Variants in FRYL observed in about 807,000 individuals in gnomAD.
FRYL encodes the protein FRY like transcription coactivator, also known as protein furry homolog-like.
In FRYL, 150 loss-of-function variants were observed where a neutral mutation model predicts 351.2. That is an observed-to-expected ratio of 0.43 (90% CI 0.37 to 0.49). The LOEUF (loss-of-function observed/expected upper bound fraction) is 0.49, where lower values mean the gene tolerates loss of function less well. Among genes scored for constraint, FRYL ranks in the 20% least tolerant of loss-of-function variants. The pLI, the probability that FRYL is intolerant of heterozygous loss-of-function variation, is 0.00. For missense variants in FRYL, 3,036 were observed against 3,619.3 expected (o/e 0.84, Z 4.13); for synonymous variants, 1,153 against 1,257.1 (o/e 0.92, Z 1.75).
chr4:48,736,108 T>C (rs1771370237), intron 1 of FRYL, among the ~76,000 whole-genome samples: 1 of 151,788 alleles, frequency 6.6e-6, no homozygotes, highest in Non-Finnish European at 1.5e-5. Flanking sequence ...ACAACACACT[T>C]CCAAATGACA....
intron 27 of FRYL, among the ~76,000 whole-genome samples, chr4:48,570,523 A>G (rs573972115): frequency 6.6e-6 from 1 of 152,356 alleles, no homozygotes; most frequent in South Asian, 2.1e-4. Context: ...CCTTTGTGAC[A>G]GAAAAAGCTA....
chr4:48,693,210 C>G (rs181753002), intron 2 of FRYL, among the ~76,000 whole-genome samples: 12 of 152,326 alleles, frequency 7.9e-5, no homozygotes, highest in Admixed American at 7.2e-4. Flanking sequence ...TAAGCTATCT[C>G]ATTTTCCTTT....
chr4:48,763,937 G>T (rs1427179952), intron 1 of FRYL, among the ~76,000 whole-genome samples: 1 of 152,180 alleles, frequency 6.6e-6, no homozygotes, highest in Non-Finnish European at 1.5e-5. Context: ...GGGAGTATGA[G>T]GCGGGCGGCT....
intron 42 of FRYL, among the ~76,000 whole-genome samples, chr4:48,545,287 A>G (rs1014015787): frequency 4.6e-5 from 7 of 152,198 alleles, no homozygotes; most frequent in Non-Finnish European, 8.8e-5. Context: ...AACTACAGGG[A>G]AAGTTTAGGA....
chr4:48,570,959 G>T, intron 26 of FRYL, 41 bp from the exon 27 acceptor site: 2 of 1,478,970 alleles, frequency 1.4e-6, no homozygotes, highest in Non-Finnish European at 1.9e-6. Context: ...AATCCTGCTG[G>T]TGTAACTTGG....
intron 59 of FRYL, among the ~76,000 whole-genome samples, chr4:48,508,984 G>C (rs1456395897): frequency 6.6e-6 from 1 of 152,194 alleles, no homozygotes; most frequent in Non-Finnish European, 1.5e-5. Flanking sequence ...AAGTCACATT[G>C]CAAAGGGGTG....
intron 31 of FRYL, 95 bp from the exon 32 acceptor site, chr4:48,563,083 C>CTTAGAAG: frequency 1.3e-6 from 1 of 765,544 alleles, no homozygotes; most frequent in Non-Finnish European, 2.2e-6. Context: ...GGCTTATAGG[C>CTTAGAAG]ATCTATCTTC....
chr4:48,727,005 T>C (rs889855901), intron 1 of FRYL, among the ~76,000 whole-genome samples: 3 of 152,128 alleles, frequency 2.0e-5, no homozygotes, highest in Non-Finnish European at 2.9e-5. Context: ...GTTTAAGAGA[T>C]GGACAGAAAA....
At chr4:48,602,456 G>T (rs1745905713) in intron 12 of FRYL, among the ~76,000 whole-genome samples, 1 of 152,072 alleles carries the variant, frequency 6.6e-6, no homozygotes, top group African/African-American at 2.4e-5. Flanking sequence ...CTTTCTGTTT[G>T]TCAAATGTGT....
At chr4:48,725,486 G>A (rs530173493) in intron 1 of FRYL, among the ~76,000 whole-genome samples, 10 of 152,200 alleles carry the variant, frequency 6.6e-5, no homozygotes, top group East Asian at 5.8e-4. Flanking sequence ...AACCTCAGTC[G>A]ACAATATTAA....
chr4:48,725,809 A>G (rs1770014125), intron 1 of FRYL, among the ~76,000 whole-genome samples: 1 of 152,140 alleles, frequency 6.6e-6, no homozygotes, highest in Admixed American at 6.5e-5. Flanking sequence ...TATCTTATTA[A>G]CTATTGTTGT....
intron 18 of FRYL, among the ~76,000 whole-genome samples, chr4:48,587,304 T>A (rs1410828945): frequency 1.3e-5 from 2 of 152,008 alleles, no homozygotes; most frequent in African/African-American, 4.8e-5. Context: ...TTTTTGAAAA[T>A]CCTGGTACCT....
intron 24 of FRYL, among the ~76,000 whole-genome samples, chr4:48,575,588 C>T (rs904242536): frequency 6.6e-6 from 1 of 152,172 alleles, no homozygotes; most frequent in Admixed American, 6.5e-5. Flanking sequence ...AAGTCAGACA[C>T]GCTGGTCTTA....
At chr4:48,712,163 C>G (rs2149592724) in intron 1 of FRYL, among the ~76,000 whole-genome samples, 1 of 152,318 alleles carries the variant, frequency 6.6e-6, no homozygotes, top group East Asian at 1.9e-4. Context: ...CAGGGCACCT[C>G]TCCTCCTCCA....
intron 31 of FRYL, among the ~76,000 whole-genome samples, 153 bp from the exon 32 acceptor site, chr4:48,563,141 C>T (rs975700491): frequency 1.3e-5 from 2 of 152,136 alleles, no homozygotes; most frequent in African/African-American, 2.4e-5. Context: ...GGTACAACAA[C>T]AGATGCATGG....
intron 3 of FRYL, among the ~76,000 whole-genome samples, chr4:48,647,911 A>G (rs566419137): frequency 6.5e-4 from 99 of 152,334 alleles, no homozygotes; most frequent in African/African-American, 2.3e-3. Flanking sequence ...CTCAACAGAT[A>G]CATTTCTGAA....
At chr4:48,609,895 T>C in intron 7 of FRYL, 72 bp from the exon 8 acceptor site, 2 of 669,932 alleles carry the variant, frequency 3.0e-6, no homozygotes, top group South Asian at 4.8e-5. Context: ...TCAATTCAAC[T>C]AATTAAATCA....
Position 48,551,505 on chromosome 4 carries a change from A to G in FRYL, c.4509T>C (p.Asn1503=), listed in dbSNP as rs768337398. The G allele has an allele frequency of 6.2e-7, 1 of 1,602,690 alleles. No homozygotes were observed. The highest frequency in any genetic ancestry group is 8.5e-7 in the Non-Finnish European group (1 of 1,170,388). The change falls in exon 37 of 64, where the codon AAT becomes AAC. Residue 1503 remains asparagine (N), a synonymous_variant. Coordinates refer to ENST00000358350, the MANE Select transcript of FRYL (RefSeq NM_015030.2). Reference sequence around the variant, plus strand: ...AGAGAAGTACTTACCTCTCTTCAATATTCTCTTTAATGGGCTTATTATCAG... The same window carrying G: ...AGAGAAGTACTTACCTCTCTTCAATGTTCTCTTTAATGGGCTTATTATCAG... ...GNPDNKPIKE[N]IEESYVHLDI...
intron 3 of FRYL, among the ~76,000 whole-genome samples, chr4:48,679,505 G>C (rs1764287376): frequency 6.6e-6 from 1 of 152,130 alleles, no homozygotes; most frequent in South Asian, 2.1e-4. Flanking sequence ...TTAAAAGGCA[G>C]TAGAACAGAA....
Sources: gnomAD v4.1 joint callset for allele counts (sites outside exome capture counted in the v4.1 genomes callset) on GRCh38, gnomAD v4.1.1 for gene constraint, MANE v1.5 for transcripts, NCBI Gene and HGNC (gene_info 2026-07-23, HGNC 2026-07-21) for gene names.